PCSK5: variants seen among roughly 807,000 people sequenced by gnomAD.
PCSK5 encodes the protein prohormone convertase 5.
PCSK5 carries 129 observed loss-of-function variants against 233.2 expected under a neutral mutation model. That is an observed-to-expected ratio of 0.55 (90% CI 0.48 to 0.64). PCSK5 has a LOEUF of 0.64. Among genes scored for constraint, PCSK5 ranks in the 30% least tolerant of loss-of-function variants. PCSK5 has a pLI of 0.00. For synonymous variants in PCSK5, 825 were observed against 879.2 expected (o/e 0.94, Z 1.09); for missense variants, 2,076 against 2,430.1 (o/e 0.85, Z 3.06).
chr9:76,278,883 G>A (rs1351141954), intron 24 of PCSK5, among the ~76,000 whole-genome samples: 2 of 152,050 alleles, frequency 1.3e-5, no homozygotes, highest in Non-Finnish European at 2.9e-5. Flanking sequence ...TCATTTTACT[G>A]CATTTTGCTT....
intron 32 of PCSK5, among the ~76,000 whole-genome samples, chr9:76,327,625 A>G (rs1829403708): frequency 6.6e-6 from 1 of 152,122 alleles, no homozygotes; most frequent in East Asian, 1.9e-4. Flanking sequence ...GGTACTCCGG[A>G]GGTGAGTGGA....
intron 20 of PCSK5, among the ~76,000 whole-genome samples, chr9:76,201,140 T>C (rs954724154): frequency 2.0e-5 from 3 of 152,160 alleles, no homozygotes; most frequent in Admixed American, 6.5e-5. Context: ...GCAAGGCCTG[T>C]TTGCAAAACT....
chr9:76,115,091 G>T (rs960841168), intron 9 of PCSK5, among the ~76,000 whole-genome samples: 1 of 152,108 alleles, frequency 6.6e-6, no homozygotes, highest in African/African-American at 2.4e-5. Flanking sequence ...GCTAAACTCA[G>T]GTAAATTGTG....
At chr9:75,965,261 ATGTGTGTGTGTG>A (rs71372035) in intron 2 of PCSK5, among the ~76,000 whole-genome samples, 4 of 149,700 alleles carry the variant, frequency 2.7e-5, no homozygotes, top group African/African-American at 4.9e-5. Context: ...ATGTGTGTAT[ATGTGTGTGTGTG>A]TGTGTGTGTG....
chr9:76,236,176 T>C (rs1460224528), intron 22 of PCSK5, among the ~76,000 whole-genome samples: 2 of 152,188 alleles, frequency 1.3e-5, no homozygotes, highest in African/African-American at 4.8e-5. Flanking sequence ...AAGCAAAATG[T>C]GGTAGTCAAC....
chr9:75,916,885 G>A (rs117858361), intron 1 of PCSK5, among the ~76,000 whole-genome samples: 2,859 of 152,278 alleles, frequency 0.019, 42 homozygotes, highest in Middle Eastern at 0.061. Context: ...GATGGGAAAA[G>A]CAGGGCCAGG....
Position 76,174,973 on chromosome 9 carries a change from A to AT in PCSK5, c.1757-11dup. The AT allele has an allele frequency of 6.3e-7, 1 of 1,588,440 alleles. No homozygotes were observed. On this transcript the variant is annotated splice_polypyrimidine_tract_variant and intron_variant, in intron 13 of 37. Coordinates refer to ENST00000674117, the MANE Select transcript of PCSK5 (RefSeq NM_001372043.1). Reference sequence around the variant, plus strand: ...AATTTGGTCATGCTGTGATTTCATTATTATTTCTCAAGGTAAATTGAAAGA... The same window carrying AT: ...AATTTGGTCATGCTGTGATTTCATTATTTATTTCTCAAGGTAAATTGAAAGA...
At chr9:76,233,789 G>A (rs927805938) in intron 22 of PCSK5, among the ~76,000 whole-genome samples, 193 bp downstream of exon 22, 1 of 152,010 alleles carries the variant, frequency 6.6e-6, no homozygotes. Context: ...CACCTTATTC[G>A]GGTGTAGACT....
intron 22 of PCSK5, among the ~76,000 whole-genome samples, chr9:76,236,292 A>C (rs1339888394): frequency 1.3e-5 from 2 of 152,144 alleles, no homozygotes. Context: ...TTCTATGGAC[A>C]TCCAATATCA....
At chr9:75,907,837 A>C (rs1822467332) in intron 1 of PCSK5, among the ~76,000 whole-genome samples, 1 of 152,198 alleles carries the variant, frequency 6.6e-6, no homozygotes, top group Non-Finnish European at 1.5e-5. Flanking sequence ...GTTTATGTAG[A>C]AGCAATGGAA....
At chr9:76,327,563 C>G (rs973179925) in intron 32 of PCSK5, among the ~76,000 whole-genome samples, 5 of 152,122 alleles carry the variant, frequency 3.3e-5, no homozygotes, top group African/African-American at 1.2e-4. Context: ...CTTTATTTGT[C>G]AACAGACAAT....
At chr9:76,172,124 C>G (rs1028183675) in intron 13 of PCSK5, among the ~76,000 whole-genome samples, 1 of 152,128 alleles carries the variant, frequency 6.6e-6, no homozygotes, top group Non-Finnish European at 1.5e-5. Context: ...TTCCTGGCTC[C>G]AAACTGAATT....
chr9:76,200,218 T>C (rs1047904473), intron 20 of PCSK5, among the ~76,000 whole-genome samples: 4 of 152,202 alleles, frequency 2.6e-5, no homozygotes, highest in African/African-American at 4.8e-5. Flanking sequence ...ACCTGAGATC[T>C]TTGTGCTGTC....
intron 7 of PCSK5, among the ~76,000 whole-genome samples, chr9:76,084,018 G>A (rs1830963309): frequency 6.6e-6 from 1 of 152,164 alleles, no homozygotes; most frequent in South Asian, 2.1e-4. Context: ...GGAAAGAAAA[G>A]GGAGCTTATT....
At chr9:76,205,014 T>C (rs146654746) in intron 20 of PCSK5, among the ~76,000 whole-genome samples, 112 of 152,242 alleles carry the variant, frequency 7.4e-4, no homozygotes, top group African/African-American at 2.5e-3. Context: ...AAAGGGGTCA[T>C]CTCAAAATAT....
intron 7 of PCSK5, among the ~76,000 whole-genome samples, chr9:76,088,337 T>G (rs910473070): frequency 1.3e-5 from 2 of 152,196 alleles, no homozygotes; most frequent in African/African-American, 4.8e-5. Context: ...GAATTTTTGC[T>G]TGGAAACAAG....
At chr9:76,256,998 A>G (rs1021238865) in intron 24 of PCSK5, among the ~76,000 whole-genome samples, 1 of 152,248 alleles carries the variant, frequency 6.6e-6, no homozygotes, top group African/African-American at 2.4e-5. Flanking sequence ...TCTTCAAGAG[A>G]GAGGAACCAA....
chr9:76,165,844 G>C (rs1246308890), intron 12 of PCSK5, among the ~76,000 whole-genome samples: 1 of 152,190 alleles, frequency 6.6e-6, no homozygotes, highest in Non-Finnish European at 1.5e-5. Context: ...TGTTCACGCT[G>C]GGCATTAAGC....
chr9:76,301,527 A>C (rs1041139424), intron 27 of PCSK5, among the ~76,000 whole-genome samples: 2 of 152,222 alleles, frequency 1.3e-5, no homozygotes, highest in Non-Finnish European at 2.9e-5. Flanking sequence ...CATCCATACA[A>C]ATAAATATGC....
Sources: gnomAD v4.1 joint callset for allele counts (sites outside exome capture counted in the v4.1 genomes callset) on GRCh38, gnomAD v4.1.1 for gene constraint, MANE v1.5 for transcripts, NCBI Gene and HGNC (gene_info 2026-07-23, HGNC 2026-07-21) for gene names.